PDE8B: variants seen among roughly 807,000 people sequenced by gnomAD.
PDE8B encodes the protein phosphodiesterase 8B.
In PDE8B, 26 loss-of-function variants were observed where a neutral mutation model predicts 101.3. The ratio of observed to expected loss-of-function variants is 0.26; its 90% confidence interval spans 0.19 to 0.36. The LOEUF is 0.36. Among genes scored for constraint, PDE8B ranks in the 10% least tolerant of loss-of-function variants. The probability of loss-of-function intolerance (pLI) is 1.00; values close to 1 mark genes in which losing one functional copy is unlikely to be tolerated. For missense variants in PDE8B, 810 were observed against 1,163.1 expected, an observed-to-expected ratio of 0.70 and a Z score of 4.42; for synonymous variants, 424 against 429.3, an observed-to-expected ratio of 0.99 and a Z score of 0.15.
At chr5:77,317,272 T>C (rs1043833471) in intron 2 of PDE8B, among the ~76,000 whole-genome samples, 7 of 152,360 alleles carry the variant, frequency 4.6e-5, no homozygotes, top group Middle Eastern at 3.4e-3. Flanking sequence ...CTTTTTTTTC[T>C]CCTTGAAGAA....
chr5:77,339,267 G>T (rs1176282769), intron 6 of PDE8B, among the ~76,000 whole-genome samples: 1 of 152,128 alleles, frequency 6.6e-6, no homozygotes, highest in East Asian at 1.9e-4. Flanking sequence ...TAATGAAAAG[G>T]CTCAAGTTCT....
At position 77,428,084 on chromosome 5, in the gene PDE8B, A is replaced by G. The variant is rs1798462565; in HGVS notation, c.*1530A>G. The stretch of plus-strand genomic sequence containing the variant: ...TCTAAATTATTTTTGTTAGATGATA[A>G]GAGAACTTGCTTGGTCAGGACAGCA... On this transcript the variant is annotated 3_prime_UTR_variant, in exon 22 of 22. Transcript: ENST00000264917. The G allele has an allele frequency of 6.6e-6, 1 of 152,222 alleles. No individual in the cohort carries two copies. The highest frequency in any genetic ancestry group is 1.5e-5 in the Non-Finnish European group (1 of 68,030). The allele number at this position is 152,222 out of a possible 1,614,324, so 9.4% of individuals were successfully genotyped here. A position where few individuals can be genotyped will look rare whatever the true frequency, so the allele number is the denominator to read the frequency against.
At chr5:77,320,038 A>C (rs1323443089) in intron 2 of PDE8B, among the ~76,000 whole-genome samples, 1 of 152,202 alleles carries the variant, frequency 6.6e-6, no homozygotes, top group African/African-American at 2.4e-5. Flanking sequence ...TATAACCAAG[A>C]ATAAGAAAAT....
At chr5:77,391,583 C>T (rs1243628619) in intron 10 of PDE8B, among the ~76,000 whole-genome samples, 1 of 152,208 alleles carries the variant, frequency 6.6e-6, no homozygotes, top group East Asian at 1.9e-4. Flanking sequence ...CTGCTTCTCC[C>T]TGTACCTAGT....
chr5:77,105,831 T>C, the PDE8B span: 1 of 152,312 alleles, frequency 6.6e-6, no homozygotes, highest in East Asian at 1.9e-4. Flanking sequence ...GTCTCTTTAA[T>C]TTTGGTTGTT....
rs374110638 is a variant in PDE8B at position 77,425,864 on chromosome 5, A to G, written c.2516A>G (p.Tyr839Cys). ...IPKSQISFIDYFITDMFDAWD... is the reference protein window; with the variant it reads ...IPKSQISFIDCFITDMFDAWD... Reference sequence around the variant, plus strand: ...AAGTCTCAGATCTCTTTCATTGACTACTTCATAACAGACATGTTTGATGCT... The same window carrying G: ...AAGTCTCAGATCTCTTTCATTGACTGCTTCATAACAGACATGTTTGATGCT... The change falls in exon 21 of 22, where the codon TAC becomes TGC. Residue 839 changes from tyrosine (Y) to cysteine (C), a missense_variant. Coordinates refer to ENST00000264917, the MANE Select transcript of PDE8B (RefSeq NM_003719.5). 1 of 1,613,732 alleles carries G rather than the reference A, an allele frequency of 6.2e-7. No homozygotes were observed. The highest frequency in any genetic ancestry group is 8.5e-7 in the Non-Finnish European group (1 of 1,179,588).
the PDE8B span, among the ~76,000 whole-genome samples, chr5:77,117,526 G>A: frequency 6.6e-6 from 1 of 152,298 alleles, no homozygotes; most frequent in African/African-American, 2.4e-5. Context: ...TGGGTGCTGG[G>A]GGACAGGGTA....
chr5:77,312,468 G>T (rs1772891921), intron 2 of PDE8B, among the ~76,000 whole-genome samples: 1 of 152,190 alleles, frequency 6.6e-6, no homozygotes, highest in South Asian at 2.1e-4. Context: ...ATGATGGACA[G>T]ATTGCATGGT....
chr5:77,240,293 A>G (rs1190658788), intron 1 of PDE8B, among the ~76,000 whole-genome samples: 1 of 152,094 alleles, frequency 6.6e-6, no homozygotes, highest in Non-Finnish European at 1.5e-5. Flanking sequence ...AGCTGGGACT[A>G]CAGACGCCCG....
At chr5:77,341,678 C>T (rs896573577) in intron 6 of PDE8B, among the ~76,000 whole-genome samples, 3 of 152,222 alleles carry the variant, frequency 2.0e-5, no homozygotes, top group African/African-American at 7.2e-5. Flanking sequence ...AAATCCTTCC[C>T]TACAGTGCTT....
chr5:77,370,341 C>G (rs557551539), intron 10 of PDE8B, among the ~76,000 whole-genome samples: 25 of 152,334 alleles, frequency 1.6e-4, no homozygotes, highest in African/African-American at 5.8e-4. Flanking sequence ...TCAGAAGAAA[C>G]CATTGAGCTG....
chr5:77,210,882 C>G lies in PDE8B; in HGVS notation c.-44C>G, dbSNP rs1450863356. 1.6e-6 allele frequency: 2 copies of G among 1,235,926 alleles called. No homozygotes were observed. The highest frequency in any genetic ancestry group is 3.2e-5 in the African/African-American group (2 of 61,986). 76.6% of individuals were successfully genotyped at this position (1,235,926 alleles called of 1,614,324 possible). On this transcript the variant is annotated 5_prime_UTR_variant, in exon 1 of 22. Transcript: ENST00000264917. This position sits in a 1 kb window ranked among gnomAD's most constrained non-coding sequence, Gnocchi z 4.9. Reference sequence around the variant, plus strand: ...TGGCAGCGGGTGCGCTGGGTCCCGGCGGCCGCGGGCGCGGGCGGGCGCGCG... The same window carrying G: ...TGGCAGCGGGTGCGCTGGGTCCCGGGGGCCGCGGGCGCGGGCGGGCGCGCG...
At chr5:77,136,420 T>C in the PDE8B span, among the ~76,000 whole-genome samples, 1 of 152,238 alleles carries the variant, frequency 6.6e-6, no homozygotes, top group Admixed American at 6.5e-5. Context: ...AAATGACAAG[T>C]CTGTGGGCTT....
the PDE8B span, among the ~76,000 whole-genome samples, chr5:77,174,374 T>G: frequency 6.6e-6 from 1 of 152,294 alleles, no homozygotes; most frequent in Non-Finnish European, 1.5e-5. Flanking sequence ...AGTCCTAGTG[T>G]ATTCCTGAAT....
At chr5:77,355,683 A>T (rs1357747911) in intron 10 of PDE8B, among the ~76,000 whole-genome samples, 1 of 152,170 alleles carries the variant, frequency 6.6e-6, no homozygotes, top group African/African-American at 2.4e-5. Context: ...CTTTCTCCCC[A>T]AATATGTGTT....
intron 1 of PDE8B, chr5:77,291,855 G>A: frequency 1.4e-6 from 2 of 1,469,838 alleles, no homozygotes; most frequent in Non-Finnish European, 1.9e-6. Context: ...AGCTGTTTTT[G>A]AAGAAGACAA....
the PDE8B span, among the ~76,000 whole-genome samples, chr5:77,177,698 C>T: frequency 6.6e-6 from 1 of 152,174 alleles, no homozygotes; most frequent in Non-Finnish European, 1.5e-5. Context: ...CACTGGAATA[C>T]CACAACAGTA....
intron 1 of PDE8B, among the ~76,000 whole-genome samples, chr5:77,283,523 T>G (rs959303687): frequency 1.6e-4 from 25 of 152,242 alleles, no homozygotes; most frequent in Admixed American, 1.6e-3. Context: ...ACCACTGATC[T>G]TTTTAATATC....
At chr5:77,251,321 T>C (rs1024188263) in intron 1 of PDE8B, among the ~76,000 whole-genome samples, 1 of 152,240 alleles carries the variant, frequency 6.6e-6, no homozygotes, top group African/African-American at 2.4e-5. Flanking sequence ...TTCACTGTGA[T>C]GTGTGTAGGT....
Sources: allele counts gnomAD v4.1 joint callset (sites outside exome capture counted in the v4.1 genomes callset), GRCh38; gene constraint gnomAD v4.1.1; non-coding constraint Gnocchi (gnomAD v3.1); transcripts MANE v1.5; gene names NCBI Gene and HGNC (gene_info 2026-07-23, HGNC 2026-07-21).